Variants in CDIN1 observed in about 807,000 individuals in gnomAD.
The protein encoded by CDIN1 is CDAN1 interacting nuclease 1, also known as CDAN1-interacting nuclease 1.
Under a neutral mutation model 45.3 loss-of-function variants are expected in CDIN1, and 33 were observed. That is an observed-to-expected ratio of 0.73 (90% CI 0.55 to 0.97). The LOEUF (loss-of-function observed/expected upper bound fraction) is 0.97, where lower values mean the gene tolerates loss of function less well. Among genes scored for constraint, CDIN1 ranks in the 50% least tolerant of loss-of-function variants. The pLI is 0.00. For missense variants in CDIN1, 303 were observed against 339.4 expected (o/e 0.89, Z 0.84); for synonymous variants, 118 against 124.4 (o/e 0.95, Z 0.34).
chr15:36,654,391 C>G, intron 4 of CDIN1, among the ~76,000 whole-genome samples: 1 of 151,802 alleles, frequency 6.6e-6, no homozygotes, highest in East Asian at 1.9e-4. Context: ...AATGTATAAA[C>G]AGCCTCTTGG....
At chr15:36,697,251 A>G in intron 7 of CDIN1, 72 bp from the exon 8 acceptor site, 1 of 1,300,118 alleles carries the variant, frequency 7.7e-7, no homozygotes, top group Non-Finnish European at 1.1e-6. Context: ...TGCTCAAAGT[A>G]TAGACCTGGT....
At chr15:36,727,727 T>C (rs1318385900) in intron 10 of CDIN1, among the ~76,000 whole-genome samples, 4 of 152,210 alleles carry the variant, frequency 2.6e-5, no homozygotes, top group Non-Finnish European at 5.9e-5. Flanking sequence ...TGAAACATTG[T>C]TGTTATTCTA....
intron 1 of CDIN1, among the ~76,000 whole-genome samples, chr15:36,626,387 T>TA (rs34442047): frequency 0.14 from 19,606 of 143,436 alleles, 1,323 homozygotes; most frequent in Middle Eastern, 0.17. Flanking sequence ...ATCCATTTCT[T>TA]AAAAAAAAAA....
intron 10 of CDIN1, among the ~76,000 whole-genome samples, chr15:36,754,557 G>A (rs2140980150): frequency 7.1e-6 from 1 of 139,926 alleles, no homozygotes; most frequent in African/African-American, 2.7e-5. Flanking sequence ...CTAAGTTGAT[G>A]GTCTCTCTTA....
In CDIN1 at chr15:36,810,189, T is replaced by C. The variant is rs1595634924; in HGVS notation, c.*1736T>C. On this transcript the variant is annotated 3_prime_UTR_variant, in exon 11 of 11. Transcript: ENST00000566621. ...ACCCTTGTCAAGGATTTGTTTATTTTACATTAAACAAATTTATTATGATGA... is the reference window on the plus strand; with the variant it reads ...ACCCTTGTCAAGGATTTGTTTATTTCACATTAAACAAATTTATTATGATGA... The C allele has an allele frequency of 6.6e-6, 1 of 152,214 alleles. No individual in the cohort carries two copies. Among genetic ancestry groups the C allele is most frequent in the Non-Finnish European group, 1.5e-5 (1 of 68,034 alleles). 9.4% of individuals were successfully genotyped at this position (152,214 alleles called of 1,614,324 possible). A position where few individuals can be genotyped will look rare whatever the true frequency, so the allele number is the denominator to read the frequency against.
At chr15:36,734,493 A>G in intron 10 of CDIN1, 1 of 313,230 alleles carries the variant, frequency 3.2e-6, no homozygotes, top group Non-Finnish European at 6.3e-6. Context: ...ACAGCAGAGA[A>G]GGTTAACCTG....
In CDIN1 at chr15:36,753,914, G is replaced by A. The variant is rs925299321; in HGVS notation, c.716+43953G>A. ...ATGAAAGTCTAGATACAAGAAAAGG[G>A]AAAATTGGAAGAAGAGGAGGAGCAG... On this transcript the variant is annotated intron_variant, in intron 10 of 10. Coordinates refer to ENST00000566621, the MANE Select transcript of CDIN1 (RefSeq NM_001321759.2). Among the ~76,000 whole-genome samples the A allele has an allele frequency of 2.0e-5, 3 of 147,854 alleles. No homozygotes were observed. In the East Asian group the frequency reaches 6.2e-4, roughly 31 times the overall value.
chr15:36,647,599 A>T (rs1056757087), intron 3 of CDIN1: 10 of 152,142 alleles, frequency 6.6e-5, no homozygotes, highest in African/African-American at 1.2e-4. Flanking sequence ...TTTCAGATGG[A>T]TTGACCTCAG....
chr15:36,606,905 C>A (rs1038683623), intron 1 of CDIN1, among the ~76,000 whole-genome samples: 2 of 152,078 alleles, frequency 1.3e-5, no homozygotes, highest in Admixed American at 1.3e-4. Context: ...GTAAGGTTGC[C>A]ACCTGTCTAG....
intron 1 of CDIN1, chr15:36,617,963 C>T (rs2140298807): frequency 1.3e-6 from 1 of 765,004 alleles, no homozygotes; most frequent in South Asian, 1.3e-5. Flanking sequence ...TATCTATAGT[C>T]AGCCCATTCA....
rs74795639 is a variant in CDIN1, at chr15:36,590,474, G to T, written c.101+10513G>T. Among the ~76,000 whole-genome samples the T allele has an allele frequency of 2.0e-3, 311 of 152,294 alleles. 7 individuals carry two copies. Among genetic ancestry groups the T allele is most frequent in the East Asian group, 0.015 (80 of 5,170 alleles). ...TTAATATAGCTGTTCAATGAAATATGTAAGTACTTGGTCTTTCCCTGACCA... is the reference window on the plus strand; with the variant it reads ...TTAATATAGCTGTTCAATGAAATATTTAAGTACTTGGTCTTTCCCTGACCA... On this transcript the variant is annotated intron_variant, in intron 1 of 10. Transcript: ENST00000566621.
intron 1 of CDIN1, chr15:36,613,648 TGAA>T: frequency 7.0e-7 from 1 of 1,433,566 alleles, no homozygotes; most frequent in South Asian, 1.1e-5. Context: ...TCAAGCTGGT[TGAA>T]GAGGAGCTGG....
intron 10 of CDIN1, among the ~76,000 whole-genome samples, chr15:36,777,668 T>TG (rs2054254561): frequency 6.6e-6 from 1 of 152,200 alleles, no homozygotes; most frequent in South Asian, 2.1e-4. Flanking sequence ...ACTAGGGCAG[T>TG]GGCCCAGTCT....
intron 1 of CDIN1, among the ~76,000 whole-genome samples, chr15:36,587,669 T>C (rs1023175001): frequency 6.6e-6 from 1 of 152,210 alleles, no homozygotes; most frequent in Admixed American, 6.5e-5. Context: ...TTAAGATGCC[T>C]GCTCTTTCCA....
chr15:36,735,671 T>C (rs575010212), intron 10 of CDIN1, among the ~76,000 whole-genome samples: 28 of 133,090 alleles, frequency 2.1e-4, no homozygotes, highest in South Asian at 1.0e-3. Context: ...TTATTTCTAA[T>C]TGGTAGACTG....
chr15:36,783,181 G>A (rs28499190), intron 10 of CDIN1, among the ~76,000 whole-genome samples: 30,157 of 152,168 alleles, frequency 0.2, 5,861 homozygotes, highest in African/African-American at 0.51. Flanking sequence ...AGGTTTAAGT[G>A]TGGGGAGAGC....
At chr15:36,791,908 T>C (rs1444637514) in intron 10 of CDIN1, among the ~76,000 whole-genome samples, 2 of 152,172 alleles carry the variant, frequency 1.3e-5, no homozygotes, top group South Asian at 2.1e-4. Context: ...GCTCACAGAG[T>C]ACTTCAAATA....
intron 1 of CDIN1, among the ~76,000 whole-genome samples, chr15:36,595,111 G>T (rs1343240814): frequency 6.6e-6 from 1 of 151,698 alleles, no homozygotes; most frequent in African/African-American, 2.4e-5. Context: ...TCTTTGACAA[G>T]TTGAACTTTT....
At chr15:36,618,116 A>C (rs555831159) in intron 1 of CDIN1, 12 of 731,220 alleles carry the variant, frequency 1.6e-5, no homozygotes, top group African/African-American at 1.4e-4. Context: ...CCGCTTTCCC[A>C]ATGGTAGTTT....
Sources: gnomAD v4.1 joint callset for allele counts (sites outside exome capture counted in the v4.1 genomes callset) on GRCh38, gnomAD v4.1.1 for gene constraint, MANE v1.5 for transcripts, NCBI Gene and HGNC (gene_info 2026-07-23, HGNC 2026-07-21) for gene names.